Variants in YBX3 observed in about 807,000 individuals in gnomAD.
YBX3 encodes the protein Y-box binding protein 3.
Under a neutral mutation model 42.4 loss-of-function variants are expected in YBX3, and 29 were observed. The ratio of observed to expected loss-of-function variants is 0.68; its 90% CI spans 0.51 to 0.93. YBX3 has a LOEUF of 0.93. Among genes scored for constraint, YBX3 ranks in the 40% least tolerant of loss-of-function variants. The pLI is 0.00. For synonymous variants in YBX3, 195 were observed against 189.8 expected (o/e 1.03, Z -0.22); for missense variants, 517 against 527.5 (o/e 0.98, Z 0.19).
At position 10,701,372 on chromosome 12, in the gene YBX3, C is replaced by G. The variant is rs1948077015; in HGVS notation, c.1054-19G>C. The stretch of plus-strand genomic sequence containing the variant: ...CCTTGGCCTAAAATGCAAAACAAAG[C>G]CATAAATCAGATAAAGTCAGATGAC... On this transcript the variant is annotated intron_variant, in intron 8 of 9. Transcript: ENST00000228251. The G allele has an allele frequency of 1.3e-6, 1 of 780,644 alleles. No individual in the cohort carries two copies. 48.4% of individuals were successfully genotyped at this position (780,644 alleles called of 1,614,324 possible).
chr12:10,700,123 A>G (rs781537667), intron 9 of YBX3, among the ~76,000 whole-genome samples: 1 of 152,150 alleles, frequency 6.6e-6, no homozygotes, highest in Non-Finnish European at 1.5e-5. Flanking sequence ...TATATTATTA[A>G]TATGTTACTC....
Position 10,701,325 on chromosome 12 carries a change from TTC to T in YBX3, c.1080_1081del (p.Asn361ProfsTer11). 1 of 780,892 alleles carries T rather than the reference TTC, an allele frequency of 1.3e-6. No homozygotes were observed. The highest frequency in any genetic ancestry group is 2.4e-5 in the East Asian group (1 of 41,238). 48.4% of individuals were successfully genotyped at this position (780,892 alleles called of 1,614,324 possible). On this transcript the variant is annotated frameshift_variant, in exon 9 of 10. Transcript: ENST00000228251. LOFTEE classifies it high-confidence loss of function. ...GCTCTGCTGGGTGGGTGGAGCAGGGTTCTCAGTTGGTGCTTCACCTGCCTTGG... is the reference window on the plus strand; with the variant it reads ...GCTCTGCTGGGTGGGTGGAGCAGGGTTCAGTTGGTGCTTCACCTGCCTTGG...
At chr12:10,700,200 G>C (rs1324124044) in intron 9 of YBX3, among the ~76,000 whole-genome samples, 1 of 151,858 alleles carries the variant, frequency 6.6e-6, no homozygotes, top group Non-Finnish European at 1.5e-5. Flanking sequence ...TGCTACCCAA[G>C]ATAAAACAGA....
chr12:10,714,564 G>A (rs1948238022), intron 4 of YBX3, among the ~76,000 whole-genome samples: 1 of 152,088 alleles, frequency 6.6e-6, no homozygotes, highest in Non-Finnish European at 1.5e-5. Flanking sequence ...CTATCTTAGG[G>A]TCTATCAGGG....
intron 7 of YBX3, 105 bp downstream of exon 7, chr12:10,703,946 T>C (rs1948109039): frequency 1.4e-5 from 15 of 1,063,918 alleles, no homozygotes; most frequent in East Asian, 9.7e-5. Context: ...AGCATTCACA[T>C]CTTCTAGATA....
chr12:10,701,862 A>AG, intron 8 of YBX3, 98 bp downstream of exon 8: 1 of 1,353,268 alleles, frequency 7.4e-7, no homozygotes, highest in Non-Finnish European at 1.0e-6. Flanking sequence ...ATATTTGTTA[A>AG]GTGTCAGGTT....
At chr12:10,717,772 A>C (rs1293308292) in intron 3 of YBX3, 1 of 197,204 alleles carries the variant, frequency 5.1e-6, no homozygotes, top group South Asian at 1.6e-4. Flanking sequence ...TCAGGAGAAC[A>C]GGATGCTAAA....
At chr12:10,714,806 C>G (rs1948241742) in intron 4 of YBX3, among the ~76,000 whole-genome samples, 1 of 151,718 alleles carries the variant, frequency 6.6e-6, no homozygotes, top group East Asian at 1.9e-4. Context: ...GTCCCCCAGG[C>G]TGGAGTGCAA....
Position 10,718,102 on chromosome 12 carries a change from C to T in YBX3, c.346G>A (p.Val116Ile). Residue 116 changes from valine (V) to isoleucine (I), a missense_variant, in exon 3 of 10, where the codon GTA (valine) becomes ATA (isoleucine). Transcript: ENST00000228251. The stretch of plus-strand genomic sequence containing the variant: ...ATCCCTCTTACCTGATGTACAAATA[C>T]ATCTTCTTTGGTGTCATTTCTGTTG... ...FINRNDTKED[V>I]FVHQTAIKKN... The T allele has an allele frequency of 6.2e-7, 1 of 1,611,966 alleles. No individual in the cohort carries two copies. Among genetic ancestry groups the T allele is most frequent in the Non-Finnish European group, 8.5e-7 (1 of 1,179,000 alleles).
chr12:10,705,926 A>G (rs1318967843), intron 6 of YBX3, among the ~76,000 whole-genome samples: 1 of 152,148 alleles, frequency 6.6e-6, no homozygotes, highest in East Asian at 1.9e-4. Flanking sequence ...CCAGGCTCAT[A>G]TTATACTTTC....
rs535031876 is a variant in YBX3, at chr12:10,709,897, T to G, written c.780+11A>C. On this transcript the variant is annotated intron_variant, in intron 6 of 9. Coordinates refer to ENST00000228251, the MANE Select transcript of YBX3 (RefSeq NM_003651.5). ...AGGATTGCTGAAGAGAAGTCTCAGT[T>G]GCAATTTTACCTGTATTCTGTTGGG... 6.2e-7 allele frequency: 1 copy of G among 1,613,626 alleles called. No homozygotes were observed. The highest frequency in any genetic ancestry group is 1.3e-5 in the African/African-American group (1 of 75,038).
At position 10,710,003 on chromosome 12, in the gene YBX3, G is replaced by A. The variant is rs1224846544; in HGVS notation, c.685C>T (p.Arg229Cys). Residue 229 changes from arginine to cysteine, a missense_variant, in exon 6 of 10, where the codon CGC (arginine) becomes TGC (cysteine). By Grantham distance (180) the Arg-to-Cys change is radical. Transcript: ENST00000228251. ...AACCGCCGCTGCCGGTACTGAGGGC[G>A]ATACTGGGGGCGGCGCAGCTGATTC... is the stretch of plus-strand genomic sequence containing the variant. The part of the protein sequence containing the change: ...ARNQLRRPQY[R>C]PQYRQRRFPP... The A allele has an allele frequency of 8.1e-6, 13 of 1,612,232 alleles. No homozygotes were observed. Among genetic ancestry groups the A allele is most frequent in the African/African-American group, 2.7e-5 (2 of 74,924 alleles).
Position 10,722,841 on chromosome 12 carries a change from C to T in YBX3, c.262+9G>A. ...TACGGCAGCCCCTGCCCTCCCTGGC[C>T]TGACTCACCGAGAACTTTTTTCTCC... On this transcript the variant is annotated intron_variant, in intron 1 of 9. Coordinates refer to ENST00000228251, the MANE Select transcript of YBX3 (RefSeq NM_003651.5). 1 of 1,478,474 alleles carries T rather than the reference C, an allele frequency of 6.8e-7. No homozygotes were observed. Among genetic ancestry groups the T allele is most frequent in the Non-Finnish European group, 9.0e-7 (1 of 1,113,806 alleles). The allele number at this position is 1,478,474 out of a possible 1,614,324, so 91.6% of individuals were successfully genotyped here.
chr12:10,723,150 G>T lies in YBX3; in HGVS notation c.-39C>A. On this transcript the variant is annotated 5_prime_UTR_variant, in exon 1 of 10. Coordinates refer to ENST00000228251, the MANE Select transcript of YBX3 (RefSeq NM_003651.5). Reference sequence around the variant, plus strand: ...CTGCTCTCGCTCAGGCGCCTCGGTGGCGGTTGGTCGGCGGTTAGCGCGGCT... The same window carrying T: ...CTGCTCTCGCTCAGGCGCCTCGGTGTCGGTTGGTCGGCGGTTAGCGCGGCT... 1 of 1,191,032 alleles carries T rather than the reference G, an allele frequency of 8.4e-7. No individual in the cohort carries two copies. Among genetic ancestry groups the T allele is most frequent in the African/African-American group, 1.6e-5 (1 of 62,642 alleles). 73.8% of individuals were successfully genotyped at this position (1,191,032 alleles called of 1,614,324 possible).
chr12:10,701,752 T>C (rs1380038098), intron 8 of YBX3, among the ~76,000 whole-genome samples: 1 of 152,230 alleles, frequency 6.6e-6, no homozygotes, highest in Non-Finnish European at 1.5e-5. Flanking sequence ...CCCATTAATA[T>C]GGGTCATTCT....
At chr12:10,715,524 C>T (rs1591581516) in intron 4 of YBX3, among the ~76,000 whole-genome samples, 170 bp downstream of exon 4, 1 of 151,188 alleles carries the variant, frequency 6.6e-6, no homozygotes, top group East Asian at 1.9e-4. Flanking sequence ...CCAGCCTGGG[C>T]AAGAGGGAGA....
chr12:10,707,252 T>C (rs1200724621), intron 6 of YBX3, among the ~76,000 whole-genome samples: 1 of 152,138 alleles, frequency 6.6e-6, no homozygotes, highest in Non-Finnish European at 1.5e-5. Flanking sequence ...CCCTCTGCTT[T>C]ATTTCTTCTG....
At chr12:10,709,858 A>T (rs1444756550) in intron 6 of YBX3, 50 bp downstream of exon 6, 3 of 1,603,558 alleles carry the variant, frequency 1.9e-6, no homozygotes, top group South Asian at 2.2e-5. Flanking sequence ...GAGGCAGAGA[A>T]GGACGGAAGG....
At chr12:10,700,716 C>T (rs1948068713) in intron 9 of YBX3, among the ~76,000 whole-genome samples, 1 of 152,114 alleles carries the variant, frequency 6.6e-6, no homozygotes, top group Non-Finnish European at 1.5e-5. Context: ...GCAGATAGTA[C>T]TGAGACAGAG....
Sources: allele counts gnomAD v4.1 joint callset (sites outside exome capture counted in the v4.1 genomes callset), GRCh38; gene constraint gnomAD v4.1.1; transcripts MANE v1.5; gene names NCBI Gene and HGNC (gene_info 2026-07-23, HGNC 2026-07-21).